PIP5K1C: variants seen among roughly 807,000 people sequenced by gnomAD.
PIP5K1C encodes phosphatidylinositol-4-phosphate 5-kinase type 1 gamma, also known as phosphatidylinositol 4-phosphate 5-kinase type-1 gamma.
A neutral mutation model predicts 80.1 loss-of-function variants in PIP5K1C; 45 were observed. The observed-to-expected ratio is 0.56, with a 90% CI of 0.44 to 0.72. The LOEUF (loss-of-function observed/expected upper bound fraction) is 0.72. Among genes scored for constraint, PIP5K1C ranks in the 30% least tolerant of loss-of-function variants. PIP5K1C has a pLI of 0.00. For synonymous variants in PIP5K1C, 498 were observed against 420.1 expected (o/e 1.19, Z -2.27); for missense variants, 753 against 954.6 (o/e 0.79, Z 2.78).
rs375595357 is a variant in PIP5K1C at position 3,651,856 on chromosome 19, G to T, written c.1097C>A (p.Ala366Glu). 1 of 1,612,436 alleles carries T rather than the reference G, an allele frequency of 6.2e-7. No homozygotes were observed. The highest frequency in any genetic ancestry group is 1.1e-5 in the South Asian group (1 of 91,066). The change falls in exon 8 of 18, where the codon GCG becomes GAG. Residue 366 changes from alanine (A) to glutamate (E), a missense_variant. Physicochemically the swap from Ala to Glu is moderately radical, Grantham distance 107. Transcript: ENST00000335312. ...TAMESIQGGA[A>E]RGEAIESDDT... The stretch of plus-strand genomic sequence containing the variant: ...ATCCGATTCGATGGCCTCCCCGCGC[G>T]CGGCGCCACCCTGGATGGACTCCAT...
At chr19:3,695,152 C>A (rs914211176) in intron 1 of PIP5K1C, among the ~76,000 whole-genome samples, 1 of 152,224 alleles carries the variant, frequency 6.6e-6, no homozygotes, top group Non-Finnish European at 1.5e-5. Flanking sequence ...AAGGGGTCAG[C>A]GAGGCAGTCC....
intron 8 of PIP5K1C, among the ~76,000 whole-genome samples, chr19:3,651,622 C>G (rs575809324): frequency 6.6e-6 from 1 of 152,248 alleles, no homozygotes; most frequent in Non-Finnish European, 1.5e-5. Context: ...AGCCAAGGCC[C>G]GGAACCCTGC....
intron 6 of PIP5K1C, among the ~76,000 whole-genome samples, chr19:3,654,343 C>T (rs1452575720): frequency 6.6e-6 from 1 of 152,224 alleles, no homozygotes; most frequent in African/African-American, 2.4e-5. Flanking sequence ...CTCTCAATGA[C>T]GAACCCAGTG....
Position 3,644,191 on chromosome 19 carries a change from A to C in PIP5K1C, c.1406T>G (p.Leu469Arg). 3 of 1,612,400 alleles carry C rather than the reference A, an allele frequency of 1.9e-6. No homozygotes were observed. Among genetic ancestry groups the C allele is most frequent in the South Asian group, 2.2e-5 (2 of 91,080 alleles). Residue 469 changes from leucine (L) to arginine (R), a missense_variant, in exon 12 of 18, where the codon CTG (leucine) becomes CGG (arginine). This residue lies in a region of PIP5K1C where 315 missense variants were observed against 294.5 expected (regional missense o/e 1.07). Coordinates refer to ENST00000335312, the MANE Select transcript of PIP5K1C (RefSeq NM_012398.3). ...GGCCGAGAAGGCAGCGGTGGGCCCC[A>C]GCGGTTTCACAGCTAGCAAGGCTCC... ...RGGALLAVKP[L>R]GPTAAFSASQ...
In PIP5K1C at chr19:3,651,852, G is replaced by T. The variant is rs763609554; in HGVS notation, c.1101C>A (p.Arg367=). Residue 367 remains arginine (R), a synonymous_variant, in exon 8 of 18, where the codon CGC becomes CGA. Transcript: ENST00000335312. ...AMESIQGGAA[R]GEAIESDDTM... ...TGTCATCCGATTCGATGGCCTCCCC[G>T]CGCGCGGCGCCACCCTGGATGGACT... is the stretch of plus-strand genomic sequence containing the variant. 2 of 1,612,302 alleles carry T rather than the reference G, an allele frequency of 1.2e-6. No individual in the cohort carries two copies. Among genetic ancestry groups the T allele is most frequent in the Non-Finnish European group, 1.7e-6 (2 of 1,179,860 alleles).
intron 1 of PIP5K1C, 135 bp downstream of exon 1, chr19:3,700,162 G>A: frequency 2.7e-6 from 1 of 371,562 alleles, no homozygotes; most frequent in Non-Finnish European, 3.9e-6. Flanking sequence ...CCAGGGGACT[G>A]CCCCGCCCCA....
At chr19:3,646,375 G>C (rs2034214447) in intron 10 of PIP5K1C, among the ~76,000 whole-genome samples, 4 of 152,172 alleles carry the variant, frequency 2.6e-5, no homozygotes. Context: ...TTGTAGGGGA[G>C]GCTGAGGCAG....
chr19:3,661,021 G>T lies in PIP5K1C; in HGVS notation c.413C>A (p.Pro138His). 1 of 1,614,136 alleles carries T rather than the reference G, an allele frequency of 6.2e-7. No individual in the cohort carries two copies. The highest frequency in any genetic ancestry group is 8.5e-7 in the Non-Finnish European group (1 of 1,179,996). ...FQDFRFKTYA[P>H]VAFRYFRELF... is the part of the protein sequence containing the mutation. ...CTCCCGGAAGTAGCGGAAGGCGACA[G>T]GTGCATAGGTCTTGAAGCGGAAGTC... The change falls in exon 5 of 18, where the codon CCT becomes CAT. Residue 138 changes from proline (P) to histidine (H), a missense_variant. Pro to His is a moderately conservative substitution (Grantham distance 77). Transcript: ENST00000335312.
At chr19:3,700,269 C>T in intron 1 of PIP5K1C, 28 bp downstream of exon 1, 2 of 1,195,290 alleles carry the variant, frequency 1.7e-6, no homozygotes, top group South Asian at 2.0e-5. Context: ...GCCCAGCGGG[C>T]CGCAGCCCCG....
intron 7 of PIP5K1C, among the ~76,000 whole-genome samples, 195 bp from the exon 8 acceptor site, chr19:3,652,226 T>C (rs1599965754): frequency 6.6e-6 from 1 of 152,298 alleles, no homozygotes; most frequent in Admixed American, 6.5e-5. Context: ...CACAGCGGCA[T>C]CAGAGCAGGC....
chr19:3,693,180 C>A (rs575904116), intron 1 of PIP5K1C, among the ~76,000 whole-genome samples: 2 of 152,186 alleles, frequency 1.3e-5, no homozygotes, highest in Non-Finnish European at 2.9e-5. Context: ...GGAAAGCACA[C>A]GTAGACGATG....
rs572910184 is a variant in PIP5K1C at position 3,687,512 on chromosome 19, TACATGCAC to T, written c.94+12777_94+12784del. Among the ~76,000 whole-genome samples, 232 of 101,582 alleles carry T rather than the reference TACATGCAC, an allele frequency of 2.3e-3. 2 individuals are homozygous for T. Among genetic ancestry groups the T allele is most frequent in the African/African-American group, 8.6e-3 (185 of 21,520 alleles). 66.6% of individuals were successfully genotyped at this position (101,582 alleles called of 152,430 possible). A position where few individuals can be genotyped will look rare whatever the true frequency, so the allele number is the denominator to read the frequency against. On this transcript the variant is annotated intron_variant, in intron 1 of 17. Transcript: ENST00000335312. The stretch of plus-strand genomic sequence containing the variant: ...ACGCACATACACGCACACATGCACA[TACATGCAC>T]ACATGCACACGCACACACATACATG...
At chr19:3,662,336 G>A (rs1015946536) in intron 3 of PIP5K1C, among the ~76,000 whole-genome samples, 1 of 152,186 alleles carries the variant, frequency 6.6e-6, no homozygotes, top group African/African-American at 2.4e-5. Context: ...CAAAAGGGTC[G>A]ATTCACTGTC....
chr19:3,651,815 C>A lies in PIP5K1C; in HGVS notation c.1127+11G>T. On this transcript the variant is annotated intron_variant, in intron 8 of 17. Transcript: ENST00000335312. ...AAGCGGGACGGGTCCGGCGGCCCCC[C>A]GCCCACCTACGTGTCATCCGATTCG... 1 of 1,609,154 alleles carries A rather than the reference C, an allele frequency of 6.2e-7. No individual in the cohort carries two copies. Among genetic ancestry groups the A allele is most frequent in the Non-Finnish European group, 8.5e-7 (1 of 1,178,302 alleles).
At chr19:3,687,120 G>A (rs1187465480) in intron 1 of PIP5K1C, among the ~76,000 whole-genome samples, 1 of 152,162 alleles carries the variant, frequency 6.6e-6, no homozygotes, top group East Asian at 1.9e-4. Flanking sequence ...TTGAACCCGG[G>A]AGGCAGACGT....
In PIP5K1C at chr19:3,644,392, A is replaced by G. The variant is rs568220575; in HGVS notation, c.1346-141T>C. 3.4e-5 allele frequency: 28 copies of G among 821,444 alleles called. No individual in the cohort carries two copies. In the African/African-American group the frequency reaches 4.8e-4, roughly 14 times the overall value. 50.9% of individuals were successfully genotyped at this position (821,444 alleles called of 1,614,324 possible). On this transcript the variant is annotated intron_variant, in intron 11 of 17. Coordinates refer to ENST00000335312, the MANE Select transcript of PIP5K1C (RefSeq NM_012398.3). ...GTCCCTGAGGCCAGGAAGCACCACAACCTCTTGGTGGAAAACCGGGGTCTG... is the reference window on the plus strand; with the variant it reads ...GTCCCTGAGGCCAGGAAGCACCACAGCCTCTTGGTGGAAAACCGGGGTCTG...
chr19:3,698,160 G>A (rs1048500138), intron 1 of PIP5K1C, among the ~76,000 whole-genome samples: 3 of 152,260 alleles, frequency 2.0e-5, no homozygotes, highest in Non-Finnish European at 2.9e-5. Flanking sequence ...CAGAAACCAC[G>A]GGCATGGGCC....
Position 3,632,998 on chromosome 19 carries a change from T to C in PIP5K1C, c.*169A>G. ...CGGGGTGCCGGGGCCCTGGGAGGCT[T>C]GTCGGGGAGGGGCCCGGCCGTCGGC... On this transcript the variant is annotated 3_prime_UTR_variant, in exon 18 of 18. Transcript: ENST00000335312. 1.9e-6 allele frequency: 1 copy of C among 531,474 alleles called. No individual in the cohort carries two copies. Among genetic ancestry groups the C allele is most frequent in the Non-Finnish European group, 3.4e-6 (1 of 297,910 alleles). The allele number at this position is 531,474 out of a possible 1,614,324, so 32.9% of individuals were successfully genotyped here.
chr19:3,637,556 TCACGGCC>T lies in PIP5K1C; in HGVS notation c.1920+1321_1920+1327del, dbSNP rs1309237136. 35 of 1,436,480 alleles carry T rather than the reference TCACGGCC, an allele frequency of 2.4e-5. No individual in the cohort carries two copies. The highest frequency in any genetic ancestry group is 3.2e-5 in the Non-Finnish European group (35 of 1,087,080). The allele number at this position is 1,436,480 out of a possible 1,614,324, so 89.0% of individuals were successfully genotyped here. On this transcript the variant is annotated intron_variant, in intron 16 of 17. Coordinates refer to ENST00000335312, the MANE Select transcript of PIP5K1C (RefSeq NM_012398.3). The surrounding 1 kb of genome is among the most constrained non-coding windows in gnomAD (Gnocchi z 7.0). ...CTTACAGTCCCCGAGGCGCTCAGCGTCACGGCCCGCAGTCGGCGATGGCGGGGAGAGT... is the reference window on the plus strand; with the variant it reads ...CTTACAGTCCCCGAGGCGCTCAGCGTCGCAGTCGGCGATGGCGGGGAGAGT...
Sources: allele counts gnomAD v4.1 joint callset (sites outside exome capture counted in the v4.1 genomes callset), GRCh38; gene constraint gnomAD v4.1.1; regional missense constraint gnomAD v4.1.1; non-coding constraint Gnocchi (gnomAD v3.1); transcripts MANE v1.5; gene names NCBI Gene and HGNC (gene_info 2026-07-23, HGNC 2026-07-21).